The following ZNF534 variants were observed in gnomAD, a reference collection of about 807,000 sequenced individuals.
The protein encoded by ZNF534 is KRAB domain only 3.
A neutral mutation model predicts 13.6 loss-of-function variants in ZNF534; 19 were observed. The observed-to-expected ratio is 1.40, with a 90% CI of 0.97 to 2.05. ZNF534 has a LOEUF of 2.05. Ranked by LOEUF, ZNF534 falls within the 30% of genes most tolerant of loss-of-function variation. The pLI, the probability that ZNF534 is intolerant of heterozygous loss-of-function variation, is 0.00. For missense variants in ZNF534, 782 were observed against 796.3 expected (o/e 0.98, Z 0.22); for synonymous variants, 244 against 273.8 (o/e 0.89, Z 1.07).
chr19:52,438,900 C>A lies in ZNF534; in HGVS notation c.1440C>A (p.Asn480Lys), dbSNP rs963614922. Residue 480 changes from asparagine to lysine, a missense_variant, in exon 5 of 5, where the codon AAC becomes AAA. By Grantham distance (94) the Asn-to-Lys change is moderately conservative. Transcript: ENST00000433050. ...ECGKVFSQNS[N>K]LQRHRKIHTG... ...GCAAGGTCTTCAGTCAGAATTCAAA[C>A]CTTCAACGACATAGGAAAATTCATA... 19 of 1,592,678 alleles carry A rather than the reference C, an allele frequency of 1.2e-5. No individual in the cohort carries two copies. Among genetic ancestry groups the A allele is most frequent in the Non-Finnish European group, 1.4e-5 (16 of 1,165,882 alleles).
Position 52,438,675 on chromosome 19 carries a change from T to C in ZNF534, c.1215T>C (p.Thr405=), listed in dbSNP as rs1304549606. 3.8e-6 allele frequency: 6 copies of C among 1,580,652 alleles called. No homozygotes were observed. The Admixed American group carries it at 1.1e-4, about 29-fold the overall frequency. The change falls in exon 5 of 5, where the codon ACT becomes ACC. Residue 405 remains threonine (T), a synonymous_variant. Coordinates refer to ENST00000433050, the MANE Select transcript of ZNF534 (RefSeq NM_001143938.3). ...TTGCACGACATAGGAAAATTCATAC[T>C]GGGGGGAGGCGTTACAAATGTAATG... is the stretch of plus-strand genomic sequence containing the variant. The part of the protein sequence containing the change: ...SRLARHRKIH[T]GGRRYKCNEC...
chr19:52,449,015 C>T (rs1599873720), intron 4 of ZNF534, among the ~76,000 whole-genome samples: 1 of 152,194 alleles, frequency 6.6e-6, no homozygotes, highest in African/African-American at 2.4e-5. Flanking sequence ...GTGCTAACCT[C>T]CCCACTCTCT....
Position 52,434,578 on chromosome 19 carries a change from A to G in ZNF534, c.142+497A>G, listed in dbSNP as rs538734978. Among the ~76,000 whole-genome samples the G allele has an allele frequency of 4.0e-5, 6 of 150,444 alleles. No individual in the cohort carries two copies. In the East Asian group the frequency reaches 1.2e-3, roughly 30 times the overall value. ...AAACCCCATCCATACTAAAAATACA[A>G]AGATTAGTTAGGCATGGTGGTACAT... On this transcript the variant is annotated intron_variant, in intron 3 of 4. Transcript: ENST00000433050.
At position 52,438,311 on chromosome 19, in the gene ZNF534, A is replaced by G; in HGVS notation, c.851A>G (p.Tyr284Cys). 6.2e-7 allele frequency: 1 copy of G among 1,606,300 alleles called. No homozygotes were observed. Among genetic ancestry groups the G allele is most frequent in the Non-Finnish European group, 8.5e-7 (1 of 1,173,946 alleles). ...GGGAAAGTCTTTAGTCACCATGCCTACCTTGCACAGCATAGGAAAATTCAT... is the reference window on the plus strand; with the variant it reads ...GGGAAAGTCTTTAGTCACCATGCCTGCCTTGCACAGCATAGGAAAATTCAT... ...ECGKVFSHHA[Y>C]LAQHRKIHTG... is the part of the protein sequence containing the mutation. The change falls in exon 5 of 5, where the codon TAC becomes TGC. Residue 284 changes from tyrosine (Y) to cysteine (C), a missense_variant. Physicochemically the swap from Tyr to Cys is radical, Grantham distance 194 (BLOSUM62 -2). This residue lies in a region of ZNF534 where 591 missense variants were observed against 574.0 expected (regional missense o/e 1.03). Coordinates refer to ENST00000433050, the MANE Select transcript of ZNF534 (RefSeq NM_001143938.3).
At chr19:52,446,467 A>G (rs977220866), downstream of ZNF534, among the ~76,000 whole-genome samples, 4 of 151,942 alleles carry the variant, frequency 2.6e-5, no homozygotes, top group Non-Finnish European at 2.9e-5. Context: ...CACTCTAGAG[A>G]TTTTTTATAC....
In ZNF534 at chr19:52,435,137, T is replaced by C; in HGVS notation, c.199T>C (p.Trp67Arg). ...TSMLEQKRDPWTLQSEVKIIN... is the reference protein window; with the variant it reads ...TSMLEQKRDPRTLQSEVKIIN... ...CATGTTGGAGCAAAAGAGAGATCCC[T>C]GGACTCTGCAGAGTGAAGTGAAAAT... Residue 67 changes from tryptophan (W) to arginine (R), a missense_variant, in exon 4 of 5, where the codon TGG (tryptophan) becomes CGG (arginine). By Grantham distance (101) the Trp-to-Arg change is moderately radical. This residue lies in a region of ZNF534 where 30 missense variants were observed against 55.4 expected (regional missense o/e 0.54). Coordinates refer to ENST00000433050, the MANE Select transcript of ZNF534 (RefSeq NM_001143938.3). The C allele has an allele frequency of 3.1e-6, 5 of 1,613,276 alleles. No individual in the cohort carries two copies. Among genetic ancestry groups the C allele is most frequent in the Non-Finnish European group, 4.2e-6 (5 of 1,179,430 alleles).
rs60186879 is a variant in ZNF534, at chr19:52,441,374, G to A, written c.*1928G>A. 1.3e-5 allele frequency among the ~76,000 whole-genome samples: 2 copies of A among 152,188 alleles called. No homozygotes were observed. The highest frequency in any genetic ancestry group is 4.8e-5 in the African/African-American group (2 of 41,444). On this transcript the variant is annotated 3_prime_UTR_variant, in exon 5 of 5. Transcript: ENST00000433050. ...CTACAAATAATAAAAAATTAGCCAG[G>A]TGTGTTGGTATATGCATGTATTCCC...
chr19:52,432,925 C>T (rs540336778), intron 2 of ZNF534, among the ~76,000 whole-genome samples: 14 of 152,134 alleles, frequency 9.2e-5, no homozygotes, highest in Non-Finnish European at 1.6e-4. Context: ...CCACTGCGCC[C>T]GGCCCAGATT....
At chr19:52,452,110 G>T (rs1013850531) in exon 5 of ZNF534, 1 of 165,636 alleles carries the variant, frequency 6.0e-6, no homozygotes. Context: ...TTTAAAAAAA[G>T]CATTTCTTTG....
At chr19:52,432,266 A>T (rs16983810) in intron 2 of ZNF534, among the ~76,000 whole-genome samples, 1 of 151,952 alleles carries the variant, frequency 6.6e-6, no homozygotes, top group African/African-American at 2.4e-5. Flanking sequence ...AGGCAATTCC[A>T]TGTTTTTAAT....
At position 52,440,746 on chromosome 19, in the gene ZNF534, A is replaced by G. The variant is rs1599868750; in HGVS notation, c.*1300A>G. On this transcript the variant is annotated 3_prime_UTR_variant, in exon 5 of 5. Transcript: ENST00000433050. ...CAGTGAGCCAAGAATGCGCTACTAC[A>G]CTCCAGCCTGTGTGACAGTGAGATT... Among the ~76,000 whole-genome samples the G allele has an allele frequency of 2.0e-5, 3 of 149,194 alleles. No individual in the cohort carries two copies. The highest frequency in any genetic ancestry group is 2.1e-4 in the South Asian group (1 of 4,714).
intron 2 of ZNF534, among the ~76,000 whole-genome samples, chr19:52,433,512 C>G (rs976519916): frequency 1.2e-4 from 18 of 151,916 alleles, no homozygotes; most frequent in South Asian, 8.3e-4. Context: ...GACTACAGAC[C>G]CCCACCACCG....
chr19:52,446,427 C>T (rs2608543), downstream of ZNF534, among the ~76,000 whole-genome samples: 139,247 of 152,162 alleles, frequency 0.92, 64,065 homozygotes, highest in Non-Finnish European at 0.96. Context: ...TGTATGTCAA[C>T]GGTGCATCCT....
At chr19:52,448,762 T>G (rs1304414254) in intron 4 of ZNF534, among the ~76,000 whole-genome samples, 3 of 152,240 alleles carry the variant, frequency 2.0e-5, no homozygotes, top group South Asian at 4.1e-4. Flanking sequence ...GGTATTTATT[T>G]ATATGGTACA....
At position 52,438,674 on chromosome 19, in the gene ZNF534, C is replaced by A. The variant is rs2059147770; in HGVS notation, c.1214C>A (p.Thr405Asn). The change falls in exon 5 of 5, where the codon ACT becomes AAT. Residue 405 changes from threonine to asparagine, a missense_variant. This residue lies in a region of ZNF534 where 591 missense variants were observed against 574.0 expected (regional missense o/e 1.03). Coordinates refer to ENST00000433050, the MANE Select transcript of ZNF534 (RefSeq NM_001143938.3). ...CTTGCACGACATAGGAAAATTCATA[C>A]TGGGGGGAGGCGTTACAAATGTAAT... Reference protein sequence around the residue: ...SRLARHRKIHTGGRRYKCNEC... With the variant: ...SRLARHRKIHNGGRRYKCNEC... 6.3e-7 allele frequency: 1 copy of A among 1,580,428 alleles called. No homozygotes were observed. The highest frequency in any genetic ancestry group is 8.6e-7 in the Non-Finnish European group (1 of 1,162,334).
chr19:52,445,250 G>A (rs1284360122), downstream of ZNF534, among the ~76,000 whole-genome samples: 3 of 151,326 alleles, frequency 2.0e-5, no homozygotes, highest in Admixed American at 6.6e-5. Context: ...AGGCTGGAGT[G>A]CAGTGGTGCA....
At chr19:52,449,235 C>T (rs2059204457) in intron 4 of ZNF534, among the ~76,000 whole-genome samples, 1 of 152,120 alleles carries the variant, frequency 6.6e-6, no homozygotes, top group African/African-American at 2.4e-5. Context: ...TATACATTTT[C>T]TTTATCCATT....
chr19:52,431,541 C>T (rs1394338443), intron 2 of ZNF534, 52 bp downstream of exon 2: 1 of 1,610,618 alleles, frequency 6.2e-7, no homozygotes, highest in African/African-American at 1.3e-5. Flanking sequence ...TCCTGAAATG[C>T]CAGGCATTGG....
At chr19:52,449,149 A>G (rs2059204126) in intron 4 of ZNF534, among the ~76,000 whole-genome samples, 1 of 152,176 alleles carries the variant, frequency 6.6e-6, no homozygotes, top group South Asian at 2.1e-4. Flanking sequence ...AATGACCTCC[A>G]CTTTGACCCA....
Sources: gnomAD v4.1 joint callset for allele counts (sites outside exome capture counted in the v4.1 genomes callset) on GRCh38, gnomAD v4.1.1 for gene constraint, gnomAD v4.1.1 regional missense constraint, MANE v1.5 for transcripts, NCBI Gene and HGNC (gene_info 2026-07-23, HGNC 2026-07-21) for gene names.